SGCZ: variants seen among roughly 807,000 people sequenced by gnomAD.
SGCZ encodes the protein sarcoglycan zeta.
A neutral mutation model predicts 41.3 loss-of-function variants in SGCZ; 40 were observed. That is an observed-to-expected ratio of 0.97 (90% confidence interval 0.75 to 1.26). The LOEUF is 1.26. Among genes scored for constraint, SGCZ ranks in the 50% most tolerant of loss-of-function variants. The probability of loss-of-function intolerance (pLI) is 0.00; values close to 1 mark genes in which losing one functional copy is unlikely to be tolerated. For missense variants in SGCZ, 552 were observed against 369.8 expected, an observed-to-expected ratio of 1.49 and a Z score of -4.04; for synonymous variants, 206 against 137.5, an observed-to-expected ratio of 1.50 and a Z score of -3.49.
At chr8:15,085,870 C>A (rs896738622) in intron 1 of SGCZ, among the ~76,000 whole-genome samples, 2 of 152,122 alleles carry the variant, frequency 1.3e-5, no homozygotes, top group Non-Finnish European at 2.9e-5. Context: ...GATATTTCTC[C>A]CACCTATCAT....
At chr8:14,756,877 A>G (rs1274939312) in intron 1 of SGCZ, among the ~76,000 whole-genome samples, 1 of 152,190 alleles carries the variant, frequency 6.6e-6, no homozygotes, top group Non-Finnish European at 1.5e-5. Context: ...AGAGTATCAC[A>G]GTGGTAAGTA....
At chr8:14,699,399 A>T (rs1389220429) in intron 1 of SGCZ, among the ~76,000 whole-genome samples, 1 of 151,816 alleles carries the variant, frequency 6.6e-6, no homozygotes. Context: ...GGTGCTAGGG[A>T]TAACTGACTA....
intron 1 of SGCZ, among the ~76,000 whole-genome samples, chr8:14,940,345 CA>C (rs1364045976): frequency 6.6e-6 from 1 of 152,042 alleles, no homozygotes; most frequent in Non-Finnish European, 1.5e-5. Context: ...AATATAACTA[CA>C]AAATGCCCTC....
chr8:14,178,873 A>G (rs1804634093), intron 4 of SGCZ, among the ~76,000 whole-genome samples: 2 of 152,226 alleles, frequency 1.3e-5, no homozygotes, highest in Non-Finnish European at 2.9e-5. Context: ...GGAACTCATT[A>G]AATGTCTAGG....
In SGCZ at chr8:14,892,667, AAACTTCCATGG is replaced by A. The variant is rs573480385; in HGVS notation, c.40-337752_40-337742del. On this transcript the variant is annotated intron_variant, in intron 1 of 7. Coordinates refer to ENST00000382080, the MANE Select transcript of SGCZ (RefSeq NM_139167.4). ...AAAAAATAAGGATTGTTTATACATC[AAACTTCCATGG>A]AACTAAGTAAATAAAAATTATGATC... Among the ~76,000 whole-genome samples, 620 of 152,338 alleles carry A rather than the reference AAACTTCCATGG, an allele frequency of 4.1e-3. 4 individuals are homozygous for A. Among genetic ancestry groups the A allele is most frequent in the South Asian group, 0.018 (85 of 4,828 alleles).
chr8:14,346,013 C>G (rs1802880446), intron 2 of SGCZ, among the ~76,000 whole-genome samples: 1 of 152,064 alleles, frequency 6.6e-6, no homozygotes, highest in African/African-American at 2.4e-5. Flanking sequence ...GGATACATGT[C>G]ATTGTATATT....
chr8:14,441,683 G>T (rs973551977), intron 2 of SGCZ, among the ~76,000 whole-genome samples: 6 of 152,138 alleles, frequency 3.9e-5, no homozygotes, highest in Non-Finnish European at 7.3e-5. Flanking sequence ...GGCTTTGTAC[G>T]CATCTCACCA....
At chr8:15,061,173 T>C (rs893739176) in intron 1 of SGCZ, among the ~76,000 whole-genome samples, 20 of 152,064 alleles carry the variant, frequency 1.3e-4, no homozygotes, top group Admixed American at 4.6e-4. Flanking sequence ...AATAGTGTGA[T>C]AGTATTAAGA....
chr8:15,042,441 C>T (rs1404588973), intron 1 of SGCZ, among the ~76,000 whole-genome samples: 1 of 152,198 alleles, frequency 6.6e-6, no homozygotes, highest in South Asian at 2.1e-4. Flanking sequence ...CACTACAGGG[C>T]ACTAGACCCC....
intron 1 of SGCZ, among the ~76,000 whole-genome samples, chr8:14,926,363 G>A (rs1205348472): frequency 1.3e-5 from 2 of 152,042 alleles, no homozygotes; most frequent in Non-Finnish European, 2.9e-5. Context: ...ATGTTGATAA[G>A]GTAAATACTT....
chr8:15,172,165 T>TTTATTTATTTTTA (rs1339622384), intron 1 of SGCZ, among the ~76,000 whole-genome samples: 1 of 58,802 alleles, frequency 1.7e-5, no homozygotes, highest in Non-Finnish European at 5.1e-5. Context: ...TTTTTTTTTT[T>TTTATTTATTTTTA]TTTTTTTTTT....
intron 5 of SGCZ, among the ~76,000 whole-genome samples, chr8:14,110,776 T>C (rs1297914095): frequency 1.3e-5 from 2 of 151,800 alleles, no homozygotes; most frequent in African/African-American, 4.8e-5. Flanking sequence ...AATCAGAAAA[T>C]GCACAGTGGC....
At chr8:15,233,313 T>C (rs1012022939) in intron 1 of SGCZ, among the ~76,000 whole-genome samples, 1 of 146,790 alleles carries the variant, frequency 6.8e-6, no homozygotes, top group African/African-American at 2.5e-5. Context: ...CTGAGTGTCT[T>C]ATTGATTAAA....
chr8:14,313,440 C>A (rs1360588277), intron 3 of SGCZ, among the ~76,000 whole-genome samples: 1 of 152,110 alleles, frequency 6.6e-6, no homozygotes, highest in Non-Finnish European at 1.5e-5. Flanking sequence ...CAGCCTCCTC[C>A]CAAATAGCTA....
At chr8:14,428,523 T>C (rs1420154003) in intron 2 of SGCZ, among the ~76,000 whole-genome samples, 7 of 152,228 alleles carry the variant, frequency 4.6e-5, no homozygotes, top group Non-Finnish European at 1.0e-4. Flanking sequence ...TGCAACATAA[T>C]TTTACTAACG....
At chr8:14,625,492 G>A (rs1319752134) in intron 1 of SGCZ, among the ~76,000 whole-genome samples, 1 of 152,162 alleles carries the variant, frequency 6.6e-6, no homozygotes, top group Non-Finnish European at 1.5e-5. Flanking sequence ...TACATGGCTA[G>A]ACTATATGGA....
chr8:15,140,837 T>C (rs1465995341), intron 1 of SGCZ, among the ~76,000 whole-genome samples: 1 of 152,194 alleles, frequency 6.6e-6, no homozygotes, highest in Non-Finnish European at 1.5e-5. Context: ...CATGAGAACC[T>C]CAGTAGTATT....
chr8:15,129,018 C>G (rs555841232), intron 1 of SGCZ, among the ~76,000 whole-genome samples: 1 of 152,196 alleles, frequency 6.6e-6, no homozygotes, highest in Non-Finnish European at 1.5e-5. Flanking sequence ...CTTTTGAGAC[C>G]TACCAGATCT....
At chr8:14,511,777 C>G (rs1222606293) in intron 2 of SGCZ, among the ~76,000 whole-genome samples, 1 of 151,978 alleles carries the variant, frequency 6.6e-6, no homozygotes, top group Non-Finnish European at 1.5e-5. Context: ...ACTGTAGTTC[C>G]CAAATTCCCC....
Sources: gnomAD v4.1 joint callset for allele counts (sites outside exome capture counted in the v4.1 genomes callset) on GRCh38, gnomAD v4.1.1 for gene constraint, MANE v1.5 for transcripts, NCBI Gene and HGNC (gene_info 2026-07-23, HGNC 2026-07-21) for gene names.